FAM24B: variants seen among roughly 807,000 people sequenced by gnomAD.
FAM24B encodes the protein family with sequence similarity 24 member B, also known as protein FAM24B.
Under a neutral mutation model 2.3 loss-of-function variants are expected in FAM24B, and 3 were observed. The observed-to-expected ratio is 1.29, with a 90% CI of 0.59 to 3.32. The LOEUF (loss-of-function observed/expected upper bound fraction) is 3.32, where lower values mean the gene tolerates loss of function less well. Ranked by LOEUF, FAM24B falls within the 30% of genes most tolerant of loss-of-function variation. FAM24B has a pLI of 0.03. For missense variants in FAM24B, 98 were observed against 117.2 expected (o/e 0.84, Z 0.76); for synonymous variants, 36 against 46.3 (o/e 0.78, Z 0.90).
At chr10:122,861,890 A>G (rs144197072) in intron 1 of FAM24B, among the ~76,000 whole-genome samples, 137 of 152,196 alleles carry the variant, frequency 9.0e-4, no homozygotes, top group African/African-American at 3.2e-3. Context: ...GGTAAAATCC[A>G]AACTCCTTAT....
intron 1 of FAM24B, among the ~76,000 whole-genome samples, chr10:122,868,521 G>C (rs1268571667): frequency 6.6e-6 from 1 of 152,066 alleles, no homozygotes; most frequent in East Asian, 1.9e-4. Flanking sequence ...AAATGTTAAG[G>C]GCAGCCAGAG....
In FAM24B at chr10:122,852,396, C is replaced by A. The variant is rs554799304; in HGVS notation, c.-35-1846G>T. Among the ~76,000 whole-genome samples the A allele has an allele frequency of 2.6e-5, 4 of 152,204 alleles. No homozygotes were observed. In the South Asian group the frequency reaches 6.2e-4, roughly 24 times the overall value. ...GAATATTTAAAAACTCCTGAGGGCCCAATTTTGTTTTGTTTTGTTTTGTTG... is the reference window on the plus strand; with the variant it reads ...GAATATTTAAAAACTCCTGAGGGCCAAATTTTGTTTTGTTTTGTTTTGTTG... On this transcript the variant is annotated intron_variant, in intron 2 of 3. Transcript: ENST00000368898.
intron 1 of FAM24B, among the ~76,000 whole-genome samples, chr10:122,865,745 T>C (rs1847794470): frequency 6.6e-6 from 1 of 152,150 alleles, no homozygotes; most frequent in African/African-American, 2.4e-5. Flanking sequence ...CATCTGGTCC[T>C]GGTGCTTTAT....
intron 1 of FAM24B, among the ~76,000 whole-genome samples, chr10:122,861,666 T>C (rs1272537311): frequency 6.6e-6 from 1 of 152,240 alleles, no homozygotes; most frequent in African/African-American, 2.4e-5. Context: ...GTTTATTAGA[T>C]TTATACCTAA....
intron 1 of FAM24B, among the ~76,000 whole-genome samples, chr10:122,859,480 C>A (rs1446555987): frequency 6.6e-6 from 1 of 152,192 alleles, no homozygotes; most frequent in Non-Finnish European, 1.5e-5. Flanking sequence ...TCAAATCCTT[C>A]TTGATCCTGG....
rs1400699671 is a variant in FAM24B, at chr10:122,868,041, GA to G, written c.-178+11443del. ...CAATGGCAAAGAAGTTAAAAACTTT[GA>G]AAAAAATTAGATGAATGGATATAAC... On this transcript the variant is annotated intron_variant, in intron 1 of 3. Coordinates refer to ENST00000368898, the MANE Select transcript of FAM24B (RefSeq NM_152644.3). 2.6e-5 allele frequency among the ~76,000 whole-genome samples: 4 copies of G among 151,886 alleles called. No individual in the cohort carries two copies. In the East Asian group the frequency reaches 7.7e-4, roughly 29 times the overall value.
At chr10:122,876,266 T>G (rs1847975749) in intron 1 of FAM24B, among the ~76,000 whole-genome samples, 1 of 152,250 alleles carries the variant, frequency 6.6e-6, no homozygotes, top group Non-Finnish European at 1.5e-5. Flanking sequence ...TGCAGCCCCC[T>G]GCAGATTCAC....
chr10:122,850,313 G>C (rs1332332822), intron 3 of FAM24B, 111 bp downstream of exon 3: 1 of 856,682 alleles, frequency 1.2e-6, no homozygotes, highest in Admixed American at 1.9e-5. Flanking sequence ...ACAGCAGCAA[G>C]GAATGACCTT....
intron 1 of FAM24B, among the ~76,000 whole-genome samples, chr10:122,878,307 C>T (rs571382596): frequency 1.3e-5 from 2 of 152,142 alleles, no homozygotes; most frequent in African/African-American, 4.8e-5. Flanking sequence ...CCGAGGCGGG[C>T]GGATCACTTG....
intron 1 of FAM24B, among the ~76,000 whole-genome samples, chr10:122,872,706 T>C (rs572382462): frequency 1.3e-5 from 2 of 152,058 alleles, no homozygotes; most frequent in East Asian, 1.9e-4. Context: ...AAACACCGCA[T>C]GTTCTCACTC....
In FAM24B at chr10:122,873,573, G is replaced by A. The variant is rs114053925; in HGVS notation, c.-178+5912C>T. Reference sequence around the variant, plus strand: ...TCCATTCCGCAGCCCATGGATCAAGGAGTAATTTCAACTTTCAAGTCTTAT... The same window carrying A: ...TCCATTCCGCAGCCCATGGATCAAGAAGTAATTTCAACTTTCAAGTCTTAT... On this transcript the variant is annotated intron_variant, in intron 1 of 3. Coordinates refer to ENST00000368898, the MANE Select transcript of FAM24B (RefSeq NM_152644.3). Among the ~76,000 whole-genome samples the A allele has an allele frequency of 2.8e-3, 426 of 152,294 alleles. 1 individual carries two copies. Among genetic ancestry groups the A allele is most frequent in the African/African-American group, 1.0e-2 (415 of 41,568 alleles).
At chr10:122,878,717 G>A (rs1026930261) in intron 1 of FAM24B, among the ~76,000 whole-genome samples, 5 of 151,744 alleles carry the variant, frequency 3.3e-5, no homozygotes, top group Non-Finnish European at 1.5e-5. Flanking sequence ...CAGAGAGGCA[G>A]AGATGGAGAA....
At chr10:122,851,422 T>C (rs969462996) in intron 2 of FAM24B, among the ~76,000 whole-genome samples, 1 of 152,242 alleles carries the variant, frequency 6.6e-6, no homozygotes, top group Non-Finnish European at 1.5e-5. Context: ...GCTAGCAGAA[T>C]GGATATCCAC....
chr10:122,856,613 C>G (rs1330041540), intron 1 of FAM24B, among the ~76,000 whole-genome samples: 1 of 152,176 alleles, frequency 6.6e-6, no homozygotes, highest in African/African-American at 2.4e-5. Context: ...TTTCCCACTT[C>G]CAGTGTGCTG....
In FAM24B at chr10:122,849,458, C is replaced by T. The variant is rs778805332; in HGVS notation, c.93-19G>A. On this transcript the variant is annotated intron_variant, in intron 3 of 3. Coordinates refer to ENST00000368898, the MANE Select transcript of FAM24B (RefSeq NM_152644.3). ...TGCAGCTCTTGAGAAAAGACACACA[C>T]AAAGCACAGGCTTAGAATTTTTCTT... The T allele has an allele frequency of 2.9e-5, 46 of 1,594,366 alleles. No individual in the cohort carries two copies. In the African/African-American group the frequency reaches 5.1e-4, roughly 18 times the overall value.
At chr10:122,862,934 T>C (rs1351847785) in intron 1 of FAM24B, among the ~76,000 whole-genome samples, 1 of 151,868 alleles carries the variant, frequency 6.6e-6, no homozygotes, top group Non-Finnish European at 1.5e-5. Context: ...TAGTACCAAG[T>C]GCAGTCTCTA....
chr10:122,862,118 C>T (rs535700848), intron 1 of FAM24B, among the ~76,000 whole-genome samples: 1 of 152,208 alleles, frequency 6.6e-6, no homozygotes, highest in Non-Finnish European at 1.5e-5. Flanking sequence ...GCACCAGCCC[C>T]TCCCCAAGAC....
chr10:122,855,238 T>C (rs916172645), intron 2 of FAM24B: 2 of 152,268 alleles, frequency 1.3e-5, no homozygotes, highest in African/African-American at 4.8e-5. Flanking sequence ...TCTGTGTCTT[T>C]GTAAAATCCA....
At chr10:122,850,084 G>A (rs530611200) in intron 3 of FAM24B, among the ~76,000 whole-genome samples, 6 of 152,150 alleles carry the variant, frequency 3.9e-5, no homozygotes, top group Non-Finnish European at 8.8e-5. Context: ...AGCCTACAGT[G>A]CCCAGGACAG....
Sources: allele counts gnomAD v4.1 joint callset (sites outside exome capture counted in the v4.1 genomes callset), GRCh38; gene constraint gnomAD v4.1.1; transcripts MANE v1.5; gene names NCBI Gene and HGNC (gene_info 2026-07-23, HGNC 2026-07-21).